CNTNAP2: variants seen among roughly 807,000 people sequenced by gnomAD.
The protein encoded by CNTNAP2 is contactin associated protein 2, also known as contactin-associated protein-like 2.
Under a neutral mutation model 155.2 loss-of-function variants are expected in CNTNAP2, and 98 were observed. The observed-to-expected ratio is 0.63, with a 90% CI of 0.54 to 0.75. The LOEUF (loss-of-function observed/expected upper bound fraction) is 0.75. Ranked by LOEUF, CNTNAP2 falls within the 30% of genes least tolerant of loss-of-function variation. The pLI is 0.00. For missense variants in CNTNAP2, 1,727 were observed against 1,688.1 expected (o/e 1.02, Z -0.40); for synonymous variants, 651 against 631.2 (o/e 1.03, Z -0.47).
At chr7:147,857,707 A>G (rs753426431) in intron 13 of CNTNAP2, among the ~76,000 whole-genome samples, 2 of 152,224 alleles carry the variant, frequency 1.3e-5, no homozygotes, top group Non-Finnish European at 2.9e-5. Flanking sequence ...AGTACAGCCC[A>G]TTTACCACTT....
At chr7:147,453,635 C>T (rs79634723) in intron 10 of CNTNAP2, among the ~76,000 whole-genome samples, 1 of 152,138 alleles carries the variant, frequency 6.6e-6, no homozygotes, top group African/African-American at 2.4e-5. Flanking sequence ...TACAGTAACA[C>T]TCGTGTAAGT....
At chr7:148,323,102 T>A (rs184146793) in intron 21 of CNTNAP2, among the ~76,000 whole-genome samples, 53 of 152,192 alleles carry the variant, frequency 3.5e-4, no homozygotes, top group African/African-American at 1.2e-3. Flanking sequence ...ATGTTACCTC[T>A]TATCCAGACA....
intron 3 of CNTNAP2, among the ~76,000 whole-genome samples, chr7:146,958,538 C>A (rs532633889): frequency 2.0e-3 from 304 of 150,382 alleles, no homozygotes; most frequent in Admixed American, 4.2e-3. Flanking sequence ...CTCAGCCTCC[C>A]GAGTAGCTGG....
chr7:147,190,595 ATGGTG>A (rs1802661084), intron 8 of CNTNAP2, among the ~76,000 whole-genome samples: 1 of 152,198 alleles, frequency 6.6e-6, no homozygotes, highest in Non-Finnish European at 1.5e-5. Flanking sequence ...TAGCTTCGCA[ATGGTG>A]TTGGCTTGAG....
intron 10 of CNTNAP2, among the ~76,000 whole-genome samples, chr7:147,444,176 T>G (rs1324125162): frequency 2.6e-5 from 4 of 152,206 alleles, no homozygotes; most frequent in African/African-American, 7.2e-5. Context: ...GGGGCAAAAT[T>G]GCTAGATTAG....
chr7:147,160,823 G>A (rs1429636511), intron 8 of CNTNAP2, among the ~76,000 whole-genome samples: 1 of 152,124 alleles, frequency 6.6e-6, no homozygotes, highest in Non-Finnish European at 1.5e-5. Context: ...ATGCTCAAAT[G>A]CACAGAGATA....
chr7:147,460,803 T>C lies in CNTNAP2; in HGVS notation c.1671-25132T>C, dbSNP rs576385425. Among the ~76,000 whole-genome samples, 11 of 152,372 alleles carry C rather than the reference T, an allele frequency of 7.2e-5. No homozygotes were observed. In the South Asian group the frequency reaches 2.3e-3, roughly 32 times the overall value. ...GCATTAACCATTAGATACCATCTGA[T>C]GCAGCTGTCAGTGACATTGGATGTG... On this transcript the variant is annotated intron_variant, in intron 10 of 23. Coordinates refer to ENST00000361727, the MANE Select transcript of CNTNAP2 (RefSeq NM_014141.6).
chr7:147,864,173 A>G lies in CNTNAP2; in HGVS notation c.2099-39392A>G, dbSNP rs567223398. ...CTAGCCAGTTTTCCCAGCACCATTT[A>G]TTAAATAGGGAATCCTTTCCCCATT... On this transcript the variant is annotated intron_variant, in intron 13 of 23. Transcript: ENST00000361727. Among the ~76,000 whole-genome samples the G allele has an allele frequency of 2.8e-4, 43 of 152,254 alleles. 1 individual carries two copies. Among genetic ancestry groups the G allele is most frequent in the African/African-American group, 9.6e-4 (40 of 41,554 alleles).
chr7:148,261,432 T>C (rs1363302698), intron 20 of CNTNAP2, among the ~76,000 whole-genome samples: 1 of 152,196 alleles, frequency 6.6e-6, no homozygotes, highest in Non-Finnish European at 1.5e-5. Context: ...GTGCTGGGAT[T>C]ATAGGCGTGA....
intron 1 of CNTNAP2, among the ~76,000 whole-genome samples, chr7:146,746,246 C>T (rs538519017): frequency 6.6e-6 from 1 of 152,096 alleles, no homozygotes; most frequent in Admixed American, 6.5e-5. Context: ...TCTTAAAAGA[C>T]GTTAAAGACA....
intron 1 of CNTNAP2, among the ~76,000 whole-genome samples, chr7:146,183,809 A>G (rs955235243): frequency 6.6e-5 from 10 of 151,970 alleles, no homozygotes; most frequent in Non-Finnish European, 1.5e-4. Flanking sequence ...CCTCCCACCT[A>G]TAATTTTCTG....
intron 1 of CNTNAP2, among the ~76,000 whole-genome samples, chr7:146,644,580 C>A (rs541467751): frequency 6.6e-6 from 1 of 151,962 alleles, no homozygotes; most frequent in Non-Finnish European, 1.5e-5. Flanking sequence ...AGGATTTTTG[C>A]ATCAATATTC....
chr7:147,316,154 A>G (rs1355401567), intron 9 of CNTNAP2, among the ~76,000 whole-genome samples: 4 of 152,020 alleles, frequency 2.6e-5, no homozygotes, highest in African/African-American at 7.2e-5. Flanking sequence ...TGATAAGTCT[A>G]TGTTTATTGT....
chr7:147,385,726 G>A (rs1796614411), intron 9 of CNTNAP2, among the ~76,000 whole-genome samples: 2 of 152,174 alleles, frequency 1.3e-5, no homozygotes, highest in South Asian at 4.1e-4. Flanking sequence ...TGAGTCTGTG[G>A]CCTTTCCAGG....
intron 10 of CNTNAP2, among the ~76,000 whole-genome samples, chr7:147,485,171 A>G (rs970239175): frequency 1.9e-4 from 29 of 152,170 alleles, no homozygotes; most frequent in African/African-American, 7.0e-4. Flanking sequence ...TTATTGGCCC[A>G]CTATTTCCTG....
At chr7:147,721,844 T>A (rs1382919845) in intron 13 of CNTNAP2, among the ~76,000 whole-genome samples, 1 of 152,126 alleles carries the variant, frequency 6.6e-6, no homozygotes, top group Non-Finnish European at 1.5e-5. Flanking sequence ...CTGTAATCTA[T>A]ATACCTCCAT....
intron 1 of CNTNAP2, among the ~76,000 whole-genome samples, chr7:146,148,280 TTTGAAATATATA>T (rs1182409260): frequency 6.6e-6 from 1 of 152,092 alleles, no homozygotes; most frequent in African/African-American, 2.4e-5. Flanking sequence ...TGGTGGGGTC[TTTGAAATATATA>T]GAGTATTTTC....
chr7:147,727,293 AC>A (rs1427429997), intron 13 of CNTNAP2, among the ~76,000 whole-genome samples: 1 of 151,906 alleles, frequency 6.6e-6, no homozygotes, highest in Non-Finnish European at 1.5e-5. Context: ...TAAATCAACA[AC>A]CTGATACCTT....
At chr7:147,305,965 G>A (rs1267334328) in intron 9 of CNTNAP2, among the ~76,000 whole-genome samples, 1 of 152,032 alleles carries the variant, frequency 6.6e-6, no homozygotes, top group Non-Finnish European at 1.5e-5. Flanking sequence ...TCTTCACATA[G>A]TCTCCTCCCC....
Sources: gnomAD v4.1 joint callset for allele counts (sites outside exome capture counted in the v4.1 genomes callset) on GRCh38, gnomAD v4.1.1 for gene constraint, MANE v1.5 for transcripts, NCBI Gene and HGNC (gene_info 2026-07-23, HGNC 2026-07-21) for gene names.